The following C2CD5 variants were observed in gnomAD, a reference collection of about 807,000 sequenced individuals.
The protein encoded by C2CD5 is C2 calcium dependent domain containing 5.
In C2CD5, 109 loss-of-function variants were observed where a neutral mutation model predicts 130.3. The ratio of observed to expected loss-of-function variants is 0.84; its 90% CI spans 0.72 to 0.98. C2CD5 has a LOEUF of 0.98. Among genes scored for constraint, C2CD5 ranks in the 50% least tolerant of loss-of-function variants. The pLI, the probability that C2CD5 is intolerant of heterozygous loss-of-function variation, is 0.00. For missense variants in C2CD5, 996 were observed against 1,261.8 expected (o/e 0.79, Z 3.19); for synonymous variants, 454 against 429.2 (o/e 1.06, Z -0.71).
At chr12:22,505,022 A>G (rs1403955618) in intron 10 of C2CD5, among the ~76,000 whole-genome samples, 1 of 152,194 alleles carries the variant, frequency 6.6e-6, no homozygotes, top group Admixed American at 6.5e-5. Context: ...GCATTTGCCC[A>G]GTTTTAGAGT....
chr12:22,501,588 A>C (rs1947797778), intron 10 of C2CD5, among the ~76,000 whole-genome samples: 1 of 152,194 alleles, frequency 6.6e-6, no homozygotes, highest in Non-Finnish European at 1.5e-5. Flanking sequence ...CAATTACAAA[A>C]TATTACACTA....
intron 10 of C2CD5, among the ~76,000 whole-genome samples, chr12:22,496,146 A>G (rs1320154902): frequency 1.3e-5 from 2 of 152,130 alleles, no homozygotes; most frequent in Admixed American, 6.6e-5. Context: ...AGTTAAATTT[A>G]TCTCCAAAGC....
intron 22 of C2CD5, among the ~76,000 whole-genome samples, chr12:22,469,421 T>C (rs1942655025): frequency 6.6e-6 from 1 of 152,160 alleles, no homozygotes; most frequent in African/African-American, 2.4e-5. Flanking sequence ...TATGTGTGAA[T>C]AGTTACAGTG....
At chr12:22,476,938 AC>A (rs1017827215) in intron 15 of C2CD5, among the ~76,000 whole-genome samples, 36 of 152,300 alleles carry the variant, frequency 2.4e-4, no homozygotes, top group African/African-American at 7.9e-4. Flanking sequence ...AAAATAATGT[AC>A]TATAAAAATA....
chr12:22,543,508 C>T (rs1175805394), intron 2 of C2CD5, among the ~76,000 whole-genome samples: 1 of 152,222 alleles, frequency 6.6e-6, no homozygotes, highest in African/African-American at 2.4e-5. Context: ...TGGATTTCCT[C>T]GCACTGTGGG....
chr12:22,512,585 G>T, intron 9 of C2CD5: 3 of 1,133,982 alleles, frequency 2.6e-6, no homozygotes, highest in Non-Finnish European at 3.6e-6. Context: ...AAATGACCAA[G>T]ATTAAAACTA....
At chr12:22,492,836 G>A (rs1946521100) in intron 11 of C2CD5, among the ~76,000 whole-genome samples, 1 of 152,114 alleles carries the variant, frequency 6.6e-6, no homozygotes, top group African/African-American at 2.4e-5. Flanking sequence ...AAGACACATT[G>A]CAATTCGTTT....
At chr12:22,490,013 T>C in intron 12 of C2CD5, 110 bp downstream of exon 12, 1 of 702,856 alleles carries the variant, frequency 1.4e-6, no homozygotes, top group Non-Finnish European at 2.5e-6. Flanking sequence ...ATTTCTACAC[T>C]GTACCCCTGT....
intron 15 of C2CD5, among the ~76,000 whole-genome samples, chr12:22,477,739 A>G (rs1232413215): frequency 6.6e-6 from 1 of 152,174 alleles, no homozygotes; most frequent in Non-Finnish European, 1.5e-5. Context: ...TACTTATTGC[A>G]AAGTTGGTAA....
chr12:22,452,559 C>T (rs1292888177), intron 26 of C2CD5, among the ~76,000 whole-genome samples: 1 of 152,120 alleles, frequency 6.6e-6, no homozygotes, highest in Admixed American at 6.6e-5. Flanking sequence ...TGTTTCATAG[C>T]TTCCCTTCCC....
intron 16 of C2CD5, among the ~76,000 whole-genome samples, chr12:22,474,137 T>C: frequency 6.6e-6 from 1 of 152,286 alleles, no homozygotes; most frequent in African/African-American, 2.4e-5. Context: ...TACATCTTAA[T>C]CATTTATTTT....
Position 22,513,277 on chromosome 12 carries a change from T to C in C2CD5, c.1038+17A>G, listed in dbSNP as rs1299725821. Reference sequence around the variant, plus strand: ...ATATTAACAGTGTAAGAACAAAGAATATCAAGTGAATCTTACCCTCTGTTC... The same window carrying C: ...ATATTAACAGTGTAAGAACAAAGAACATCAAGTGAATCTTACCCTCTGTTC... On this transcript the variant is annotated intron_variant, in intron 9 of 26. Coordinates refer to ENST00000446597, the MANE Select transcript of C2CD5 (RefSeq NM_001286176.2). 2.0e-6 allele frequency: 3 copies of C among 1,521,694 alleles called. No individual in the cohort carries two copies. The highest frequency in any genetic ancestry group is 2.7e-6 in the Non-Finnish European group (3 of 1,096,062). 94.3% of individuals were successfully genotyped at this position (1,521,694 alleles called of 1,614,324 possible).
chr12:22,457,274 A>G, intron 24 of C2CD5, 113 bp from the exon 25 acceptor site: 3 of 616,346 alleles, frequency 4.9e-6, no homozygotes, highest in Non-Finnish European at 8.0e-6. Context: ...AGGCTAAGCC[A>G]TGTCATGAAA....
intron 9 of C2CD5, chr12:22,512,697 T>C: frequency 6.8e-7 from 1 of 1,469,046 alleles, no homozygotes; most frequent in Non-Finnish European, 9.0e-7. Flanking sequence ...ATGAAGTTTA[T>C]TTAAAAAAAA....
chr12:22,517,537 T>C (rs1319956878), intron 8 of C2CD5, among the ~76,000 whole-genome samples: 1 of 152,116 alleles, frequency 6.6e-6, no homozygotes, highest in African/African-American at 2.4e-5. Flanking sequence ...AATAAATAGA[T>C]AGATGTACTC....
intron 22 of C2CD5, among the ~76,000 whole-genome samples, chr12:22,468,966 A>C (rs536770202): frequency 3.2e-4 from 49 of 152,306 alleles, no homozygotes; most frequent in African/African-American, 1.1e-3. Context: ...ATCATTTCTC[A>C]AAATAAATTT....
intron 22 of C2CD5, among the ~76,000 whole-genome samples, chr12:22,461,124 C>T (rs975680890): frequency 1.3e-5 from 2 of 152,156 alleles, no homozygotes; most frequent in African/African-American, 4.8e-5. Flanking sequence ...ACAGACCTGA[C>T]ATTCAGAGGC....
chr12:22,481,221 A>G (rs1025370033), intron 14 of C2CD5, among the ~76,000 whole-genome samples: 1 of 152,202 alleles, frequency 6.6e-6, no homozygotes, highest in Non-Finnish European at 1.5e-5. Context: ...TCTACATACA[A>G]AACTTTACAT....
chr12:22,508,096 A>G (rs1948781892), intron 9 of C2CD5, among the ~76,000 whole-genome samples: 1 of 152,206 alleles, frequency 6.6e-6, no homozygotes, highest in African/African-American at 2.4e-5. Flanking sequence ...ATACAAACTC[A>G]CAAAAGCATG....
Sources: gnomAD v4.1 joint callset for allele counts (sites outside exome capture counted in the v4.1 genomes callset) on GRCh38, gnomAD v4.1.1 for gene constraint, MANE v1.5 for transcripts, NCBI Gene and HGNC (gene_info 2026-07-23, HGNC 2026-07-21) for gene names.